The following RABGAP1L variants were observed in gnomAD, a reference collection of about 807,000 sequenced individuals.
The protein encoded by RABGAP1L is rab GTPase-activating protein 1-like.
Under a neutral mutation model 137.7 loss-of-function variants are expected in RABGAP1L, and 63 were observed. That is an observed-to-expected ratio of 0.46 (90% CI 0.37 to 0.56). RABGAP1L has a LOEUF of 0.56. RABGAP1L is among the 20% of genes least tolerant of loss of function. The pLI, the probability that RABGAP1L is intolerant of heterozygous loss-of-function variation, is 0.00. For missense variants in RABGAP1L, 1,095 were observed against 1,244.0 expected (o/e 0.88, Z 1.80); for synonymous variants, 431 against 433.7 (o/e 0.99, Z 0.08).
intron 18 of RABGAP1L, among the ~76,000 whole-genome samples, chr1:174,770,077 T>A (rs560944728): frequency 1.3e-5 from 2 of 151,726 alleles, no homozygotes; most frequent in East Asian, 3.9e-4. Context: ...ACTCATAAAC[T>A]TTTTTTTTGG....
intron 13 of RABGAP1L, among the ~76,000 whole-genome samples, chr1:174,477,283 A>T (rs1402813913): frequency 6.6e-6 from 1 of 152,210 alleles, no homozygotes; most frequent in East Asian, 1.9e-4. Context: ...AGCTAAAATT[A>T]TGCTTTTCAT....
intron 19 of RABGAP1L, among the ~76,000 whole-genome samples, chr1:174,937,231 G>A (rs781663663): frequency 9.2e-5 from 14 of 151,356 alleles, no homozygotes; most frequent in Non-Finnish European, 1.6e-4. Flanking sequence ...TACCCGCTTC[G>A]GCCTCCCAAA....
chr1:174,542,386 T>C (rs1665544538), intron 13 of RABGAP1L, among the ~76,000 whole-genome samples: 2 of 152,196 alleles, frequency 1.3e-5, no homozygotes, highest in African/African-American at 4.8e-5. Context: ...TGCGTAAAAG[T>C]GTTTATAGTA....
chr1:174,585,864 CAT>C (rs1012460938), intron 13 of RABGAP1L, among the ~76,000 whole-genome samples: 3 of 152,210 alleles, frequency 2.0e-5, no homozygotes, highest in African/African-American at 7.2e-5. Flanking sequence ...AGTAGTGTAT[CAT>C]GTGTGCATGT....
chr1:174,775,676 G>T (rs1402904464), intron 18 of RABGAP1L, among the ~76,000 whole-genome samples: 2 of 152,068 alleles, frequency 1.3e-5, no homozygotes, highest in Non-Finnish European at 2.9e-5. Context: ...ACCTTTCAGT[G>T]TCTGTGATTA....
intron 13 of RABGAP1L, among the ~76,000 whole-genome samples, chr1:174,578,639 A>T (rs1387268206): frequency 2.0e-5 from 3 of 152,238 alleles, no homozygotes; most frequent in Non-Finnish European, 4.4e-5. Context: ...TAATTTTAAC[A>T]AAATATAAAT....
chr1:174,452,841 GT>G (rs1410689678), intron 13 of RABGAP1L, among the ~76,000 whole-genome samples: 1 of 152,200 alleles, frequency 6.6e-6, no homozygotes, highest in East Asian at 1.9e-4. Flanking sequence ...GATTACAGGT[GT>G]GAGCCACTGC....
chr1:174,327,958 TATATATATATATATATATATACACACAC>T (rs1258552482), intron 11 of RABGAP1L, among the ~76,000 whole-genome samples: 6 of 11,514 alleles, frequency 5.2e-4, no homozygotes, highest in African/African-American at 2.8e-3. Flanking sequence ...CAGTTGTAAA[TATATATATATATATATATATACACACAC>T]ATATATATAT....
intron 19 of RABGAP1L, among the ~76,000 whole-genome samples, chr1:174,826,467 C>G (rs1292144268): frequency 6.6e-6 from 1 of 152,186 alleles, no homozygotes; most frequent in African/African-American, 2.4e-5. Context: ...GGTAATCCAC[C>G]TGCCTCGGCC....
chr1:174,472,305 TATAAG>T (rs1280640873), intron 13 of RABGAP1L, among the ~76,000 whole-genome samples: 3 of 152,038 alleles, frequency 2.0e-5, no homozygotes, highest in African/African-American at 7.2e-5. Context: ...AAGAAAGTGG[TATAAG>T]AGAAGGGTCC....
At chr1:174,609,996 A>G (rs999964492) in intron 13 of RABGAP1L, among the ~76,000 whole-genome samples, 3 of 150,812 alleles carry the variant, frequency 2.0e-5, no homozygotes, top group Non-Finnish European at 4.4e-5. Flanking sequence ...ATTTTTATAT[A>G]TCATCTTTGA....
At chr1:174,674,188 T>G (rs946348571) in intron 14 of RABGAP1L, among the ~76,000 whole-genome samples, 3 of 150,710 alleles carry the variant, frequency 2.0e-5, no homozygotes, top group Non-Finnish European at 4.4e-5. Context: ...GCTGCACCCA[T>G]TAACTCGTCA....
intron 13 of RABGAP1L, among the ~76,000 whole-genome samples, chr1:174,490,691 C>T (rs1322672968): frequency 6.6e-6 from 1 of 152,116 alleles, no homozygotes; most frequent in Non-Finnish European, 1.5e-5. Flanking sequence ...CCAAATGGGT[C>T]TAGAGTAGCT....
At chr1:174,516,972 A>AAATAAATAAAT (rs1558301429) in intron 13 of RABGAP1L, among the ~76,000 whole-genome samples, 1 of 124,232 alleles carries the variant, frequency 8.0e-6, no homozygotes, top group Admixed American at 8.2e-5. Context: ...AATAAATAAA[A>AAATAAATAAAT]TAAATTATTG....
chr1:174,458,707 T>A (rs2149275169), intron 13 of RABGAP1L, among the ~76,000 whole-genome samples: 1 of 152,280 alleles, frequency 6.6e-6, no homozygotes, highest in Admixed American at 6.5e-5. Context: ...CTAGTTTCTT[T>A]ATTTAACTAC....
intron 13 of RABGAP1L, among the ~76,000 whole-genome samples, chr1:174,450,375 T>C (rs1424513096): frequency 6.6e-6 from 1 of 152,194 alleles, no homozygotes; most frequent in Non-Finnish European, 1.5e-5. Context: ...TAAATTATGT[T>C]ATCTGTGCCT....
chr1:174,194,793 GA>G (rs1181410443), intron 1 of RABGAP1L, among the ~76,000 whole-genome samples: 14 of 152,198 alleles, frequency 9.2e-5, no homozygotes, highest in Non-Finnish European at 1.8e-4. Context: ...GGGGGAAGGA[GA>G]GAATGGGTAG....
chr1:174,709,689 A>T (rs538944592), intron 17 of RABGAP1L, among the ~76,000 whole-genome samples: 1 of 152,360 alleles, frequency 6.6e-6, no homozygotes, highest in South Asian at 2.1e-4. Context: ...AACATCAAAG[A>T]CCAAAGATAG....
chr1:174,651,731 C>T (rs571533931), intron 14 of RABGAP1L, among the ~76,000 whole-genome samples: 3 of 152,164 alleles, frequency 2.0e-5, no homozygotes, highest in Non-Finnish European at 4.4e-5. Flanking sequence ...ATGTGTGTCT[C>T]TGCAGGTGAG....
Sources: allele counts gnomAD v4.1 joint callset (sites outside exome capture counted in the v4.1 genomes callset), GRCh38; gene constraint gnomAD v4.1.1; transcripts MANE v1.5; gene names NCBI Gene and HGNC (gene_info 2026-07-23, HGNC 2026-07-21).